Variants in RBFOX2 observed in about 807,000 individuals in gnomAD.
RBFOX2 encodes the protein RNA binding protein fox-1 homolog 2.
RBFOX2 carries 10 observed loss-of-function variants against 49.1 expected under a neutral mutation model. The ratio of observed to expected loss-of-function variants is 0.20; its 90% CI spans 0.13 to 0.35. RBFOX2 has a LOEUF of 0.35. Ranked by LOEUF, RBFOX2 falls within the 10% of genes least tolerant of loss-of-function variation. RBFOX2 has a pLI of 1.00. For synonymous variants in RBFOX2, 183 were observed against 187.4 expected, an observed-to-expected ratio of 0.98 and a Z score of 0.19; for missense variants, 323 against 486.9, an observed-to-expected ratio of 0.66 and a Z score of 3.17.
intron 9 of RBFOX2, among the ~76,000 whole-genome samples, chr22:35,750,017 G>C (rs1428100972): frequency 6.6e-6 from 1 of 152,112 alleles, no homozygotes; most frequent in African/African-American, 2.4e-5. Flanking sequence ...TCAATTACTA[G>C]AGCGTGCAGC....
At position 35,961,547 on chromosome 22, in the gene RBFOX2, C is replaced by T. The variant is rs187186566; in HGVS notation, c.42+16G>A. ...TCCCACTCCACCACCCCCCACACAC[C>T]CAACTCCCCACCAACCTCACAGGGG... is the stretch of plus-strand genomic sequence containing the variant. On this transcript the variant is annotated intron_variant, in intron 1 of 5. Coordinates refer to the RBFOX2 transcript ENST00000408983. The T allele has an allele frequency of 1.3e-3, 1,756 of 1,304,060 alleles. 7 individuals carry two copies. Among genetic ancestry groups the T allele is most frequent in the South Asian group, 2.3e-3 (190 of 80,998 alleles). 80.8% of individuals were successfully genotyped at this position (1,304,060 alleles called of 1,614,324 possible). A position where few individuals can be genotyped will look rare whatever the true frequency, so the allele number is the denominator to read the frequency against.
intron 1 of RBFOX2, among the ~76,000 whole-genome samples, chr22:35,894,401 A>G (rs1202830858): frequency 6.6e-6 from 1 of 152,198 alleles, no homozygotes; most frequent in Non-Finnish European, 1.5e-5. Context: ...ATTAATAATC[A>G]TGCCGCCTAT....
At chr22:35,947,147 G>A (rs1360032980) in intron 1 of RBFOX2, among the ~76,000 whole-genome samples, 8 of 152,074 alleles carry the variant, frequency 5.3e-5, no homozygotes, top group Middle Eastern at 3.4e-3. Context: ...AGCTGAGATC[G>A]TGCCACTGCA....
intron 1 of RBFOX2, among the ~76,000 whole-genome samples, chr22:35,856,945 T>C (rs923713803): frequency 2.0e-5 from 3 of 152,090 alleles, no homozygotes; most frequent in South Asian, 2.1e-4. Flanking sequence ...GGCAGGAGAA[T>C]TGCCTGAACC....
intron 1 of RBFOX2, among the ~76,000 whole-genome samples, chr22:36,022,619 G>A (rs1402256804): frequency 2.0e-5 from 3 of 152,200 alleles, no homozygotes; most frequent in Non-Finnish European, 4.4e-5. Context: ...CACTCTGGTA[G>A]TGTTACAGGC....
intron 1 of RBFOX2, among the ~76,000 whole-genome samples, chr22:35,861,208 T>C (rs1285075324): frequency 1.3e-5 from 2 of 152,186 alleles, no homozygotes; most frequent in East Asian, 3.8e-4. Context: ...AAGATAAAAC[T>C]GTAAAACTTC....
chr22:35,744,425 C>G (rs1162244650), intron 11 of RBFOX2, among the ~76,000 whole-genome samples, 176 bp from the exon 14 acceptor site: 1 of 152,170 alleles, frequency 6.6e-6, no homozygotes, highest in East Asian at 1.9e-4. Context: ...CTAAGGTGCT[C>G]AGACCAGAGC....
intron 1 of RBFOX2, among the ~76,000 whole-genome samples, chr22:35,811,556 A>G (rs1269119632): frequency 6.6e-6 from 1 of 152,182 alleles, no homozygotes; most frequent in Admixed American, 6.5e-5. Flanking sequence ...ATACATTGCT[A>G]TATTGTTATG....
At chr22:35,881,884 G>A (rs555498903) in intron 1 of RBFOX2, among the ~76,000 whole-genome samples, 225 of 148,612 alleles carry the variant, frequency 1.5e-3, no homozygotes, top group Non-Finnish European at 2.5e-3. Flanking sequence ...GCTTGAACCC[G>A]GGAGGCAGAG....
chr22:35,982,792 G>A (rs1383440038), intron 1 of RBFOX2, among the ~76,000 whole-genome samples: 2 of 149,120 alleles, frequency 1.3e-5, no homozygotes, highest in African/African-American at 2.5e-5. Flanking sequence ...TAAGGGTATC[G>A]TTTAAAAAAA....
At chr22:36,027,245 T>C (rs1213126475) in intron 1 of RBFOX2, among the ~76,000 whole-genome samples, 1 of 152,212 alleles carries the variant, frequency 6.6e-6, no homozygotes, top group East Asian at 1.9e-4. Flanking sequence ...CTGGAAAAGA[T>C]GATGTCTAGT....
upstream of RBFOX2, among the ~76,000 whole-genome samples, chr22:35,966,276 A>C (rs144014055): frequency 1.2e-3 from 186 of 152,348 alleles, 1 homozygote; most frequent in South Asian, 0.011. Context: ...TGCCATTTCC[A>C]GCTTGAGGCT....
chr22:35,915,324 T>C lies in RBFOX2; in HGVS notation c.-34+23523A>G, dbSNP rs114302772. ...TCCAGGACGGGGCCACTTAACTAAA[T>C]TAGTTGAGGCAATGCCCTTCAATTG... On this transcript the variant is annotated intron_variant, in intron 1 of 13. Transcript: ENST00000359369. Among the ~76,000 whole-genome samples, 383 of 152,304 alleles carry C rather than the reference T, an allele frequency of 2.5e-3. 4 individuals carry two copies. Among genetic ancestry groups the C allele is most frequent in the African/African-American group, 9.1e-3 (377 of 41,564 alleles).
rs553176890 is a variant in RBFOX2 at position 36,020,838 on chromosome 22, C to T, written c.186+7402G>A. ...TCAACCATTGTGGAAGACAGTGTGG[C>T]GATTCCTCAAGGATCTAGAATTAGA... On this transcript the variant is annotated intron_variant, in intron 1 of 13. Coordinates refer to the RBFOX2 transcript ENST00000438146. Among the ~76,000 whole-genome samples, 8 of 152,224 alleles carry T rather than the reference C, an allele frequency of 5.3e-5. No individual in the cohort carries two copies. The East Asian group carries it at 1.5e-3, about 29-fold the overall frequency.
intron 4 of RBFOX2, among the ~76,000 whole-genome samples, chr22:35,770,079 A>G (rs1007146122): frequency 3.9e-5 from 6 of 152,208 alleles, no homozygotes; most frequent in African/African-American, 1.4e-4. Flanking sequence ...TGATATCAAC[A>G]TTTATAGCCA....
intron 1 of RBFOX2, among the ~76,000 whole-genome samples, chr22:35,902,955 C>T (rs992567004): frequency 6.6e-6 from 1 of 152,128 alleles, no homozygotes; most frequent in Non-Finnish European, 1.5e-5. Context: ...TACACACAAC[C>T]TCTTAGCTAA....
chr22:35,897,990 GT>G, intron 1 of RBFOX2: 6 of 749,846 alleles, frequency 8.0e-6, no homozygotes, highest in African/African-American at 1.7e-5. Context: ...CAAAATCAAA[GT>G]TTTTGGTTTC....
intron 2 of RBFOX2, 76 bp from the exon 4 acceptor site, chr22:35,781,822 A>G: frequency 6.3e-7 from 1 of 1,581,978 alleles, no homozygotes; most frequent in East Asian, 2.3e-5. Flanking sequence ...CACAGCAATC[A>G]TCCCCAAACA....
intron 1 of RBFOX2, among the ~76,000 whole-genome samples, chr22:35,811,636 T>TAATAAA (rs1170567179): frequency 2.6e-5 from 4 of 152,120 alleles, no homozygotes; most frequent in Middle Eastern, 3.2e-3. Flanking sequence ...CAGAAATTAA[T>TAATAAA]AATAAAAATA....
Sources: gnomAD v4.1 joint callset for allele counts (sites outside exome capture counted in the v4.1 genomes callset) on GRCh38, gnomAD v4.1.1 for gene constraint, MANE v1.5 for transcripts, NCBI Gene and HGNC (gene_info 2026-07-23, HGNC 2026-07-21) for gene names.